Variants in CADM2 observed in about 807,000 individuals in gnomAD.
CADM2 encodes the protein immunoglobulin superfamily member 4D.
A neutral mutation model predicts 49.8 loss-of-function variants in CADM2; 12 were observed. The observed-to-expected ratio is 0.24, with a 90% CI of 0.15 to 0.39. The LOEUF is 0.39. CADM2 is among the 10% of genes least tolerant of loss of function. CADM2 has a pLI of 1.00. For missense variants in CADM2, 378 were observed against 492.3 expected, an observed-to-expected ratio of 0.77 and a Z score of 2.20; for synonymous variants, 214 against 175.4, an observed-to-expected ratio of 1.22 and a Z score of -1.74.
intron 2 of CADM2, among the ~76,000 whole-genome samples, chr3:85,800,596 A>T (rs551217918): frequency 1.3e-3 from 193 of 152,292 alleles, no homozygotes; most frequent in Non-Finnish European, 2.2e-3. Flanking sequence ...AAAGCATAGT[A>T]TCTGGGCCAG....
rs149521011 is a variant in CADM2, at chr3:85,739,482, A to T, written c.88+12934A>T. Among the ~76,000 whole-genome samples the T allele has an allele frequency of 5.8e-3, 883 of 152,240 alleles. 12 individuals carry two copies. The highest frequency in any genetic ancestry group is 0.021 in the African/African-American group (857 of 41,586). ...TAGCTCTATTGATATTTGTAAAAAT[A>T]TAAATGCAGAATTCAGAATTAACCC... On this transcript the variant is annotated intron_variant, in intron 2 of 9. Transcript: ENST00000383699.
intron 3 of CADM2, among the ~76,000 whole-genome samples, chr3:85,872,563 G>A (rs1189395023): frequency 6.6e-6 from 1 of 151,332 alleles, no homozygotes; most frequent in Non-Finnish European, 1.5e-5. Context: ...TTTGCCCCAG[G>A]AGTTGCAACT....
At chr3:85,245,068 G>A (rs2042615669) in intron 1 of CADM2, among the ~76,000 whole-genome samples, 1 of 152,066 alleles carries the variant, frequency 6.6e-6, no homozygotes. Flanking sequence ...AGGAAAACCA[G>A]ACAATCCTGT....
At chr3:86,045,848 T>C (rs539571220) in intron 8 of CADM2, among the ~76,000 whole-genome samples, 1 of 152,314 alleles carries the variant, frequency 6.6e-6, no homozygotes, top group Non-Finnish European at 1.5e-5. Flanking sequence ...GTACAATAAA[T>C]ACCATTCTCA....
chr3:85,195,214 G>A (rs2041312285), intron 1 of CADM2, among the ~76,000 whole-genome samples: 1 of 152,088 alleles, frequency 6.6e-6, no homozygotes, highest in Non-Finnish European at 1.5e-5. Context: ...TTAAATTGTA[G>A]TTGAATTGTT....
intron 1 of CADM2, among the ~76,000 whole-genome samples, chr3:85,077,699 G>A (rs780212085): frequency 1.6e-4 from 24 of 151,902 alleles, no homozygotes; most frequent in Non-Finnish European, 2.8e-4. Flanking sequence ...ATACATTCTC[G>A]AAATAAAAGT....
intron 1 of CADM2, among the ~76,000 whole-genome samples, chr3:85,078,271 G>A (rs2037026002): frequency 6.6e-6 from 1 of 151,948 alleles, no homozygotes; most frequent in African/African-American, 2.4e-5. Context: ...TGATCAACCA[G>A]TAACATGTCC....
chr3:85,946,891 G>A (rs141226072), intron 7 of CADM2, among the ~76,000 whole-genome samples: 186 of 152,200 alleles, frequency 1.2e-3, no homozygotes, highest in African/African-American at 4.2e-3. Context: ...CACATGCCAG[G>A]ACTTCATGTC....
chr3:85,638,206 C>G (rs974868919), intron 1 of CADM2, among the ~76,000 whole-genome samples: 2 of 152,072 alleles, frequency 1.3e-5, no homozygotes, highest in African/African-American at 4.8e-5. Context: ...TAGAAGATTG[C>G]AATTTGAAGG....
chr3:85,504,661 C>A (rs1434553237), intron 1 of CADM2, among the ~76,000 whole-genome samples: 1 of 152,220 alleles, frequency 6.6e-6, no homozygotes, highest in African/African-American at 2.4e-5. Flanking sequence ...CTGCCAGTCC[C>A]GCGCCGTGCG....
At chr3:85,971,472 A>G (rs948663860) in intron 8 of CADM2, among the ~76,000 whole-genome samples, 18 of 151,706 alleles carry the variant, frequency 1.2e-4, no homozygotes, top group African/African-American at 3.9e-4. Context: ...AAATCAAAAT[A>G]TGTGGATTTC....
chr3:85,710,555 G>C (rs1163585174), intron 1 of CADM2, among the ~76,000 whole-genome samples: 1 of 152,034 alleles, frequency 6.6e-6, no homozygotes, highest in African/African-American at 2.4e-5. Context: ...AGTTTGCATA[G>C]AGAGGTATAA....
At chr3:85,754,521 G>A (rs933338057) in intron 2 of CADM2, among the ~76,000 whole-genome samples, 1 of 152,086 alleles carries the variant, frequency 6.6e-6, no homozygotes, top group African/African-American at 2.4e-5. Context: ...CTTCTATAAT[G>A]TACCCTAGTT....
At chr3:86,005,936 T>A (rs1470646370) in intron 8 of CADM2, among the ~76,000 whole-genome samples, 2 of 152,162 alleles carry the variant, frequency 1.3e-5, no homozygotes. Flanking sequence ...TTGTTTTGAT[T>A]TTTAGATTCA....
intron 8 of CADM2, among the ~76,000 whole-genome samples, chr3:85,971,511 G>A (rs2108642910): frequency 6.6e-6 from 1 of 151,716 alleles, no homozygotes. Context: ...CTATATCACA[G>A]TTCTCCTTGT....
chr3:86,056,503 T>C (rs895692747), intron 8 of CADM2, among the ~76,000 whole-genome samples: 4 of 152,228 alleles, frequency 2.6e-5, no homozygotes, highest in African/African-American at 9.6e-5. Flanking sequence ...TGTATAAGTA[T>C]AGATTAATAA....
intron 1 of CADM2, among the ~76,000 whole-genome samples, chr3:85,075,934 G>A (rs2036924223): frequency 6.6e-6 from 1 of 151,700 alleles, no homozygotes; most frequent in South Asian, 2.1e-4. Context: ...AGGCATGTTG[G>A]AATGTACTTT....
intron 1 of CADM2, among the ~76,000 whole-genome samples, chr3:85,020,076 C>G (rs533184191): frequency 6.6e-6 from 1 of 152,024 alleles, no homozygotes; most frequent in African/African-American, 2.4e-5. Context: ...ATAGAGATAC[C>G]ATAGTTGACT....
At chr3:85,482,950 A>G (rs993038817) in intron 1 of CADM2, among the ~76,000 whole-genome samples, 9 of 151,758 alleles carry the variant, frequency 5.9e-5, no homozygotes, top group Admixed American at 2.0e-4. Flanking sequence ...TGACAAAATT[A>G]TAAATGGTTA....
Sources: allele counts gnomAD v4.1 joint callset (sites outside exome capture counted in the v4.1 genomes callset), GRCh38; gene constraint gnomAD v4.1.1; transcripts MANE v1.5; gene names NCBI Gene and HGNC (gene_info 2026-07-23, HGNC 2026-07-21).